Variants in SP100 observed in about 807,000 individuals in gnomAD.
SP100 encodes nuclear autoantigen Sp-100.
Under a neutral mutation model 130.0 loss-of-function variants are expected in SP100, and 84 were observed. The observed-to-expected ratio is 0.65, with a 90% CI of 0.54 to 0.77. The LOEUF is 0.77. Among genes scored for constraint, SP100 ranks in the 30% least tolerant of loss-of-function variants. SP100 has a pLI of 0.00. For missense variants in SP100, 978 were observed against 1,052.2 expected (o/e 0.93, Z 0.97); for synonymous variants, 331 against 351.7 (o/e 0.94, Z 0.66).
intron 2 of SP100, among the ~76,000 whole-genome samples, chr2:230,423,622 T>C (rs1248257839): frequency 6.6e-6 from 1 of 152,252 alleles, no homozygotes; most frequent in Non-Finnish European, 1.5e-5. Context: ...GCAGTGTTTC[T>C]TATTTTCTAA....
intron 20 of SP100, 65 bp downstream of exon 20, chr2:230,503,175 G>A (rs1575762184): frequency 1.7e-6 from 2 of 1,204,702 alleles, no homozygotes; most frequent in African/African-American, 3.1e-5. Flanking sequence ...TCTGTACTGT[G>A]AGTAACAAGT....
chr2:230,436,013 C>G (rs576826767), intron 2 of SP100, among the ~76,000 whole-genome samples: 1 of 152,004 alleles, frequency 6.6e-6, no homozygotes, highest in Non-Finnish European at 1.5e-5. Context: ...AATATTTTAT[C>G]CAGTTTCAAT....
intron 17 of SP100, among the ~76,000 whole-genome samples, chr2:230,478,103 G>T (rs975292577): frequency 1.3e-5 from 2 of 151,998 alleles, no homozygotes; most frequent in Non-Finnish European, 1.5e-5. Context: ...TTTATGTGTT[G>T]CTATGAATAT....
chr2:230,536,377 A>C (rs1691941337), intron 24 of SP100, among the ~76,000 whole-genome samples: 1 of 152,172 alleles, frequency 6.6e-6, no homozygotes, highest in Non-Finnish European at 1.5e-5. Context: ...ATTGTCCCAT[A>C]AATCTGATTT....
chr2:230,445,571 T>C (rs1281161314), intron 4 of SP100, among the ~76,000 whole-genome samples: 1 of 152,214 alleles, frequency 6.6e-6, no homozygotes. Flanking sequence ...ATATGGCTTA[T>C]TGATTTGTGT....
chr2:230,446,176 T>C (rs11694422), intron 4 of SP100, among the ~76,000 whole-genome samples: 23,317 of 152,160 alleles, frequency 0.15, 1,961 homozygotes, highest in Non-Finnish European at 0.19. Flanking sequence ...TGGCATAATC[T>C]CAGCTCACTG....
chr2:230,470,255 G>A, intron 15 of SP100, 157 bp downstream of exon 15: 1 of 1,344,016 alleles, frequency 7.4e-7, no homozygotes, highest in Non-Finnish European at 9.6e-7. Flanking sequence ...ATGGAAAGAG[G>A]CAGGAAATTA....
At chr2:230,421,267 G>A (rs1358781422) in intron 2 of SP100, among the ~76,000 whole-genome samples, 3 of 152,018 alleles carry the variant, frequency 2.0e-5, no homozygotes, top group Non-Finnish European at 4.4e-5. Flanking sequence ...GGCACATTGG[G>A]TAATTTATCA....
intron 24 of SP100, among the ~76,000 whole-genome samples, chr2:230,529,193 A>G (rs1168649095): frequency 6.6e-6 from 1 of 152,220 alleles, no homozygotes; most frequent in Non-Finnish European, 1.5e-5. Context: ...ATACTGGTAA[A>G]CCAAATCCAG....
intron 8 of SP100, among the ~76,000 whole-genome samples, chr2:230,450,928 AC>A (rs1262859850): frequency 6.6e-6 from 1 of 152,230 alleles, no homozygotes. Context: ...TATTGTGAAT[AC>A]TGCTGCAATG....
chr2:230,439,789 T>G (rs1406291066), intron 2 of SP100, among the ~76,000 whole-genome samples: 4 of 152,122 alleles, frequency 2.6e-5, no homozygotes, highest in Non-Finnish European at 5.9e-5. Flanking sequence ...TTTGACTTCC[T>G]CTTTACCGAT....
At chr2:230,450,998 G>C (rs1290221492) in intron 8 of SP100, among the ~76,000 whole-genome samples, 1 of 152,128 alleles carries the variant, frequency 6.6e-6, no homozygotes. Flanking sequence ...ATGATGGTTA[G>C]ACATATGATT....
chr2:230,442,906 A>G (rs1460448710), intron 2 of SP100, 31 bp from the exon 3 acceptor site: 3 of 1,597,034 alleles, frequency 1.9e-6, no homozygotes, highest in Admixed American at 1.8e-5. Flanking sequence ...AATCTTGATG[A>G]CCATTTTCAC....
intron 27 of SP100, among the ~76,000 whole-genome samples, chr2:230,541,610 C>T (rs1220292009): frequency 6.6e-6 from 1 of 152,148 alleles, no homozygotes. Context: ...GGGCTGTCTT[C>T]TAGGTGTCAG....
At chr2:230,503,644 G>T (rs778036614) in intron 20 of SP100, among the ~76,000 whole-genome samples, 2 of 152,112 alleles carry the variant, frequency 1.3e-5, no homozygotes, top group African/African-American at 4.8e-5. Context: ...TCAATGTGCA[G>T]TTTCTTCTAG....
chr2:230,540,732 G>C, intron 25 of SP100, 144 bp from the exon 26 acceptor site: 1 of 963,630 alleles, frequency 1.0e-6, no homozygotes, highest in Non-Finnish European at 1.5e-6. Context: ...TCCAAATGGG[G>C]CTCTAGTGCA....
chr2:230,482,137 T>C (rs1278248473), intron 17 of SP100, among the ~76,000 whole-genome samples: 1 of 152,328 alleles, frequency 6.6e-6, no homozygotes, highest in Non-Finnish European at 1.5e-5. Context: ...GAATATTTTA[T>C]CCTTGTGTAA....
chr2:230,419,212 C>A (rs78086622), intron 2 of SP100, among the ~76,000 whole-genome samples: 2,173 of 152,266 alleles, frequency 0.014, 41 homozygotes, highest in African/African-American at 0.049. Context: ...CAGTTACTTG[C>A]AGTAAAACTT....
At chr2:230,474,327 T>C in intron 16 of SP100, 67 bp from the exon 17 acceptor site, 2 of 821,994 alleles carry the variant, frequency 2.4e-6, no homozygotes, top group Non-Finnish European at 4.1e-6. Context: ...GCAGTGTGAA[T>C]TGTCATAAGA....
Sources: allele counts gnomAD v4.1 joint callset (sites outside exome capture counted in the v4.1 genomes callset), GRCh38; gene constraint gnomAD v4.1.1; transcripts MANE v1.5; gene names NCBI Gene and HGNC (gene_info 2026-07-23, HGNC 2026-07-21).